LUZP2: variants seen among roughly 807,000 people sequenced by gnomAD.
The protein encoded by LUZP2 is leucine zipper protein 2.
In LUZP2, 52 loss-of-function variants were observed where a neutral mutation model predicts 51.6. The observed-to-expected ratio is 1.01, with a 90% CI of 0.81 to 1.27. The LOEUF is 1.27. Among genes scored for constraint, LUZP2 ranks in the 50% most tolerant of loss-of-function variants. The pLI is 0.00. For synonymous variants in LUZP2, 154 were observed against 137.3 expected (o/e 1.12, Z -0.85); for missense variants, 436 against 395.4 (o/e 1.10, Z -0.87).
At chr11:24,743,563 C>G (rs1263036513) in intron 4 of LUZP2, among the ~76,000 whole-genome samples, 1 of 152,002 alleles carries the variant, frequency 6.6e-6, no homozygotes, top group Non-Finnish European at 1.5e-5. Context: ...TTACTGAATT[C>G]TTTTATCAGT....
chr11:24,926,702 G>A (rs1854285145), intron 7 of LUZP2, among the ~76,000 whole-genome samples: 1 of 150,150 alleles, frequency 6.7e-6, no homozygotes, highest in East Asian at 1.9e-4. Context: ...CTATAAACGT[G>A]TGTGCAAGTA....
At chr11:24,618,951 C>T (rs7931421) in intron 1 of LUZP2, among the ~76,000 whole-genome samples, 53,944 of 151,880 alleles carry the variant, frequency 0.36, 9,739 homozygotes, top group Middle Eastern at 0.43. Context: ...GAAGTTTTCA[C>T]TATATTACTG....
chr11:24,609,141 A>G (rs1854033491), intron 1 of LUZP2, among the ~76,000 whole-genome samples: 1 of 152,164 alleles, frequency 6.6e-6, no homozygotes, highest in Admixed American at 6.5e-5. Flanking sequence ...CGAGGCACTG[A>G]CCACCATAGC....
intron 1 of LUZP2, among the ~76,000 whole-genome samples, chr11:24,652,589 C>T (rs563845015): frequency 1.7e-4 from 26 of 152,096 alleles, no homozygotes; most frequent in African/African-American, 6.0e-4. Context: ...AAAACATTTA[C>T]TTTAGTGGGA....
intron 1 of LUZP2, among the ~76,000 whole-genome samples, chr11:24,513,621 T>C (rs541502961): frequency 2.0e-5 from 3 of 152,326 alleles, no homozygotes; most frequent in African/African-American, 7.2e-5. Context: ...TTTTCCTGTG[T>C]CTACTTTCTG....
At chr11:24,713,614 A>C (rs1857921461) in intron 1 of LUZP2, among the ~76,000 whole-genome samples, 1 of 151,366 alleles carries the variant, frequency 6.6e-6, no homozygotes, top group Non-Finnish European at 1.5e-5. Flanking sequence ...CCAAAGTGGC[A>C]AGATCACCTG....
intron 5 of LUZP2, among the ~76,000 whole-genome samples, chr11:24,836,038 G>T (rs1850851263): frequency 6.6e-6 from 1 of 151,916 alleles, no homozygotes; most frequent in African/African-American, 2.4e-5. Flanking sequence ...TATTTCAGTG[G>T]TTAATAGCAT....
intron 1 of LUZP2, among the ~76,000 whole-genome samples, chr11:24,670,466 A>G: frequency 6.6e-6 from 1 of 152,030 alleles, no homozygotes; most frequent in East Asian, 1.9e-4. Flanking sequence ...TGACTTCAGA[A>G]TGTGAGTTTT....
chr11:24,513,539 C>T (rs1850374911), intron 1 of LUZP2, among the ~76,000 whole-genome samples: 1 of 152,144 alleles, frequency 6.6e-6, no homozygotes, highest in Non-Finnish European at 1.5e-5. Context: ...TGACTGTCTC[C>T]TTAAATAATT....
At chr11:24,589,742 G>A (rs1853195133) in intron 1 of LUZP2, among the ~76,000 whole-genome samples, 1 of 151,932 alleles carries the variant, frequency 6.6e-6, no homozygotes, top group Non-Finnish European at 1.5e-5. Context: ...CATATATAAC[G>A]GAGAAATTCT....
At chr11:24,691,184 G>T (rs1295794907) in intron 1 of LUZP2, among the ~76,000 whole-genome samples, 1 of 151,828 alleles carries the variant, frequency 6.6e-6, no homozygotes, top group Admixed American at 6.6e-5. Context: ...AGATCATGTT[G>T]TTCAGTACCT....
intron 5 of LUZP2, among the ~76,000 whole-genome samples, chr11:24,857,286 T>C (rs888256688): frequency 2.6e-5 from 2 of 77,000 alleles, no homozygotes; most frequent in South Asian, 4.6e-4. Context: ...TATATATATA[T>C]ATACATATAT....
chr11:24,768,037 G>C (rs1458803992), intron 5 of LUZP2, among the ~76,000 whole-genome samples: 13 of 151,944 alleles, frequency 8.6e-5, no homozygotes. Flanking sequence ...AATGGTCTGA[G>C]ATATAAGACA....
chr11:24,529,387 A>G (rs1453665061), intron 1 of LUZP2, among the ~76,000 whole-genome samples: 1 of 151,068 alleles, frequency 6.6e-6, no homozygotes, highest in Non-Finnish European at 1.5e-5. Context: ...TTCCAAGGGG[A>G]AAACATAAGT....
At chr11:24,890,782 TAAG>T (rs2133757167) in intron 5 of LUZP2, 1 of 448,094 alleles carries the variant, frequency 2.2e-6, no homozygotes. Context: ...TTTGTGCAAA[TAAG>T]AAAATACATA....
chr11:24,958,067 C>T (rs1188696195), intron 7 of LUZP2, among the ~76,000 whole-genome samples: 1 of 152,154 alleles, frequency 6.6e-6, no homozygotes, highest in African/African-American at 2.4e-5. Context: ...CATGTCCCTA[C>T]AAAGGACATG....
At chr11:24,576,110 T>C (rs923109430) in intron 1 of LUZP2, among the ~76,000 whole-genome samples, 2 of 152,106 alleles carry the variant, frequency 1.3e-5, no homozygotes, top group Non-Finnish European at 2.9e-5. Context: ...TCTATTACAT[T>C]TTTCTAATTT....
chr11:24,745,514 T>C (rs902198656), intron 4 of LUZP2, among the ~76,000 whole-genome samples: 1 of 152,180 alleles, frequency 6.6e-6, no homozygotes, highest in Non-Finnish European at 1.5e-5. Flanking sequence ...TTGTCTTATA[T>C]AAGAATAGCT....
intron 5 of LUZP2, among the ~76,000 whole-genome samples, chr11:24,871,935 G>A (rs138253947): frequency 6.6e-6 from 1 of 152,052 alleles, no homozygotes; most frequent in East Asian, 1.9e-4. Flanking sequence ...CTTTCCAATT[G>A]TAATCTAACC....
Sources: allele counts gnomAD v4.1 joint callset (sites outside exome capture counted in the v4.1 genomes callset), GRCh38; gene constraint gnomAD v4.1.1; transcripts MANE v1.5; gene names NCBI Gene and HGNC (gene_info 2026-07-23, HGNC 2026-07-21).